The following MARCHF1 variants were observed in gnomAD, a reference collection of about 807,000 sequenced individuals.
MARCHF1 encodes E3 ubiquitin-protein ligase MARCHF1.
In MARCHF1, 40 loss-of-function variants were observed where a neutral mutation model predicts 54.2. The ratio of observed to expected loss-of-function variants is 0.74; its 90% CI spans 0.57 to 0.96. The LOEUF (loss-of-function observed/expected upper bound fraction) is 0.96, where lower values mean the gene tolerates loss of function less well. Among genes scored for constraint, MARCHF1 ranks in the 40% least tolerant of loss-of-function variants. The probability of loss-of-function intolerance (pLI) is 0.00; values close to 1 mark genes in which losing one functional copy is unlikely to be tolerated. For synonymous variants in MARCHF1, 236 were observed against 236.3 expected (o/e 1.00, Z 0.01); for missense variants, 586 against 656.5 (o/e 0.89, Z 1.17).
intron 1 of MARCHF1, among the ~76,000 whole-genome samples, chr4:164,173,141 C>T (rs746043950): frequency 5.9e-5 from 9 of 152,298 alleles, no homozygotes; most frequent in Non-Finnish European, 1.2e-4. Context: ...TAAATCAACA[C>T]TTAGACTTTC....
At chr4:163,651,525 C>CT (rs66848288) in intron 5 of MARCHF1, among the ~76,000 whole-genome samples, 12,715 of 130,780 alleles carry the variant, frequency 0.097, 756 homozygotes, top group African/African-American at 0.15. Flanking sequence ...AAGTACCATA[C>CT]TTTTTTTTTT....
chr4:164,373,753 G>T (rs528649710), intron 1 of MARCHF1, among the ~76,000 whole-genome samples: 3 of 152,114 alleles, frequency 2.0e-5, no homozygotes, highest in African/African-American at 7.2e-5. Context: ...GCCTCTAAAG[G>T]CATACATCTC....
chr4:163,840,959 T>A (rs1190799599), intron 4 of MARCHF1, among the ~76,000 whole-genome samples: 1 of 86,886 alleles, frequency 1.2e-5, no homozygotes, highest in Non-Finnish European at 2.6e-5. Flanking sequence ...GAAGAAAGCA[T>A]TTTTATGAGC....
At chr4:163,800,764 A>G (rs527575860) in intron 4 of MARCHF1, among the ~76,000 whole-genome samples, 3 of 152,130 alleles carry the variant, frequency 2.0e-5, no homozygotes, top group Admixed American at 2.0e-4. Context: ...TGTACAGAAC[A>G]TCAAGAATCA....
At chr4:164,159,655 C>T (rs1730177212) in intron 1 of MARCHF1, among the ~76,000 whole-genome samples, 1 of 151,976 alleles carries the variant, frequency 6.6e-6, no homozygotes, top group African/African-American at 2.4e-5. Context: ...CCAGGTGATA[C>T]TTGTAAATTT....
chr4:164,341,824 C>A (rs994682700), intron 1 of MARCHF1, among the ~76,000 whole-genome samples: 1 of 152,164 alleles, frequency 6.6e-6, no homozygotes, highest in Non-Finnish European at 1.5e-5. Context: ...CAGACTATAG[C>A]ACCTGTTTGC....
At chr4:163,948,274 T>C (rs1752063544) in intron 3 of MARCHF1, among the ~76,000 whole-genome samples, 1 of 152,248 alleles carries the variant, frequency 6.6e-6, no homozygotes, top group Non-Finnish European at 1.5e-5. Context: ...TTTTTTCATA[T>C]TAAGAAGCAA....
At chr4:163,930,779 A>AT (rs1192534804) in intron 3 of MARCHF1, among the ~76,000 whole-genome samples, 2 of 152,218 alleles carry the variant, frequency 1.3e-5, no homozygotes, top group South Asian at 2.1e-4. Context: ...AATTTTGATG[A>AT]TTTTTTAAGA....
chr4:164,118,712 A>G (rs570099743), intron 1 of MARCHF1, among the ~76,000 whole-genome samples: 1 of 151,888 alleles, frequency 6.6e-6, no homozygotes, highest in South Asian at 2.1e-4. Flanking sequence ...ATATGTGTGA[A>G]GGTATTACAG....
At chr4:163,717,478 G>A (rs80267663) in intron 4 of MARCHF1, among the ~76,000 whole-genome samples, 58,824 of 150,930 alleles carry the variant, frequency 0.39, 11,499 homozygotes, top group Admixed American at 0.45. Context: ...TGTCTTTATA[G>A]CAGCATGTTT....
chr4:164,189,868 T>C, intron 1 of MARCHF1: 2 of 1,589,338 alleles, frequency 1.3e-6, no homozygotes, highest in Non-Finnish European at 1.7e-6. Flanking sequence ...CAGATTGAAG[T>C]CACCTTTGAG....
intron 1 of MARCHF1, among the ~76,000 whole-genome samples, chr4:164,176,968 C>CCATATATATATA (rs1201114627): frequency 2.8e-4 from 12 of 43,338 alleles, no homozygotes; most frequent in African/African-American, 1.2e-3. Flanking sequence ...CTCTCTCTCT[C>CCATATATATATA]TCTCTCTCTC....
intron 7 of MARCHF1, among the ~76,000 whole-genome samples, chr4:163,604,902 T>C (rs1317460693): frequency 1.3e-5 from 2 of 152,140 alleles, no homozygotes; most frequent in Non-Finnish European, 2.9e-5. Flanking sequence ...CTCAGGGAAA[T>C]GCTCTACTAG....
chr4:164,048,621 G>T (rs1190736926), intron 2 of MARCHF1, among the ~76,000 whole-genome samples: 1 of 152,066 alleles, frequency 6.6e-6, no homozygotes, highest in Non-Finnish European at 1.5e-5. Flanking sequence ...TGATGTCTTT[G>T]TTTCCAAAGT....
At chr4:164,368,712 T>C (rs1238495593) in intron 1 of MARCHF1, among the ~76,000 whole-genome samples, 1 of 152,146 alleles carries the variant, frequency 6.6e-6, no homozygotes, top group African/African-American at 2.4e-5. Flanking sequence ...ATGAACAGAT[T>C]AGAAGCCAAA....
intron 2 of MARCHF1, among the ~76,000 whole-genome samples, chr4:164,004,817 TC>T (rs920764305): frequency 2.0e-4 from 30 of 151,856 alleles, no homozygotes; most frequent in African/African-American, 5.6e-4. Flanking sequence ...AGAATGCCCA[TC>T]AAAATTAGTG....
rs751267508 is a variant in MARCHF1, at chr4:163,545,656, A to C, written c.1279T>G (p.Trp427Gly). ...CGGTCTATCAATACATACAAAGACC[A>C]AACCACACAGGTGATCGCGATTACG... ...FHVIAITCVVWSLYVLIDRTA... is the reference protein window; with the variant it reads ...FHVIAITCVVGSLYVLIDRTA... The change falls in exon 9 of 10, where the codon TGG (tryptophan) becomes GGG (glycine). Residue 427 changes from tryptophan to glycine, a missense_variant. Coordinates refer to ENST00000514618, the MANE Select transcript of MARCHF1 (RefSeq NM_001394959.1). 6.2e-7 allele frequency: 1 copy of C among 1,614,102 alleles called. No homozygotes were observed.
At chr4:163,785,999 T>C (rs1462947203) in intron 4 of MARCHF1, among the ~76,000 whole-genome samples, 1 of 151,958 alleles carries the variant, frequency 6.6e-6, no homozygotes, top group East Asian at 1.9e-4. Flanking sequence ...CATGCTATGA[T>C]ACTGACATTG....
chr4:163,926,580 A>G (rs973197335), intron 3 of MARCHF1, among the ~76,000 whole-genome samples: 6 of 151,622 alleles, frequency 4.0e-5, no homozygotes, highest in South Asian at 2.1e-4. Flanking sequence ...GGTTTTATCA[A>G]TTTACATTCC....
Sources: allele counts gnomAD v4.1 joint callset (sites outside exome capture counted in the v4.1 genomes callset), GRCh38; gene constraint gnomAD v4.1.1; transcripts MANE v1.5; gene names NCBI Gene and HGNC (gene_info 2026-07-23, HGNC 2026-07-21).